NTNG1: variants seen among roughly 807,000 people sequenced by gnomAD.
NTNG1 encodes the protein netrin G1.
In NTNG1, 16 loss-of-function variants were observed where a neutral mutation model predicts 54.0. The ratio of observed to expected loss-of-function variants is 0.30; its 90% CI spans 0.20 to 0.45. The LOEUF is 0.45. Ranked by LOEUF, NTNG1 falls within the 20% of genes least tolerant of loss-of-function variation. The pLI is 1.00. For missense variants in NTNG1, 530 were observed against 678.7 expected (o/e 0.78, Z 2.43); for synonymous variants, 255 against 263.1 (o/e 0.97, Z 0.30).
intron 2 of NTNG1, among the ~76,000 whole-genome samples, chr1:107,243,189 G>C (rs1169094728): frequency 6.6e-6 from 1 of 152,158 alleles, no homozygotes; most frequent in African/African-American, 2.4e-5. Context: ...TCCTGTGCAG[G>C]CTTTATACTT....
intron 5 of NTNG1, among the ~76,000 whole-genome samples, chr1:107,427,966 T>C (rs1234328655): frequency 6.6e-6 from 1 of 152,146 alleles, no homozygotes; most frequent in Admixed American, 6.6e-5. Flanking sequence ...TAGAGATTCA[T>C]GGAATGGGTC....
intron 3 of NTNG1, among the ~76,000 whole-genome samples, chr1:107,348,476 A>G (rs934675909): frequency 6.6e-6 from 1 of 152,026 alleles, no homozygotes; most frequent in Non-Finnish European, 1.5e-5. Context: ...ACCAGCTTCC[A>G]TATTAAGCCA....
chr1:107,352,038 G>T (rs924163464), intron 3 of NTNG1, among the ~76,000 whole-genome samples: 5 of 152,232 alleles, frequency 3.3e-5, no homozygotes, highest in African/African-American at 1.2e-4. Flanking sequence ...CAAGGGGTGG[G>T]CTCCCAAAGC....
chr1:107,374,650 A>T (rs548321724), intron 3 of NTNG1, among the ~76,000 whole-genome samples: 1 of 152,206 alleles, frequency 6.6e-6, no homozygotes, highest in African/African-American at 2.4e-5. Flanking sequence ...ATTGTATATA[A>T]CTGTTTTAAT....
intron 3 of NTNG1, among the ~76,000 whole-genome samples, chr1:107,387,401 CTCT>C (rs1672077507): frequency 1.3e-5 from 2 of 152,280 alleles, no homozygotes; most frequent in African/African-American, 4.8e-5. Flanking sequence ...TACTGGTGAG[CTCT>C]ACAGTGTTTC....
intron 2 of NTNG1, among the ~76,000 whole-genome samples, chr1:107,194,493 C>T (rs1192417706): frequency 6.6e-6 from 1 of 152,046 alleles, no homozygotes; most frequent in East Asian, 1.9e-4. Flanking sequence ...CTTTCTTTCT[C>T]CCTTTCTCTC....
intron 2 of NTNG1, among the ~76,000 whole-genome samples, chr1:107,159,948 C>A (rs917207541): frequency 2.0e-5 from 3 of 152,082 alleles, no homozygotes; most frequent in Non-Finnish European, 4.4e-5. Context: ...TCATAGAGAG[C>A]GGAGTACATA....
intron 2 of NTNG1, among the ~76,000 whole-genome samples, chr1:107,150,085 T>C (rs1292731089): frequency 1.3e-5 from 2 of 152,154 alleles, no homozygotes; most frequent in African/African-American, 4.8e-5. Flanking sequence ...AGAAGTGCCT[T>C]TGGGGACTGG....
chr1:107,483,491 A>C lies in NTNG1; in HGVS notation c.*2651A>C, dbSNP rs1419249368. ...AAATGGAAATGAAATGTTCTTTTTA[A>C]ATCTGGATTCTCAAGTTCTTCTAAA... On this transcript the variant is annotated 3_prime_UTR_variant, in exon 8 of 8. Transcript: ENST00000370068. 6.6e-6 allele frequency: 1 copy of C among 152,210 alleles called. No individual in the cohort carries two copies. Among genetic ancestry groups the C allele is most frequent in the Non-Finnish European group, 1.5e-5 (1 of 68,040 alleles). 9.4% of individuals were successfully genotyped at this position (152,210 alleles called of 1,614,324 possible).
intron 2 of NTNG1, among the ~76,000 whole-genome samples, chr1:107,188,429 A>G (rs983122259): frequency 6.6e-6 from 1 of 152,140 alleles, no homozygotes; most frequent in Non-Finnish European, 1.5e-5. Flanking sequence ...TATACCCCCT[A>G]TTATGCACAT....
intron 2 of NTNG1, among the ~76,000 whole-genome samples, chr1:107,169,159 G>A (rs1167540213): frequency 6.6e-6 from 1 of 151,820 alleles, no homozygotes; most frequent in Non-Finnish European, 1.5e-5. Context: ...AAATCCTTTG[G>A]GTATACATTC....
At position 107,482,531 on chromosome 1, in the gene NTNG1, TC is replaced by T. The variant is rs1308468298; in HGVS notation, c.*1694del. 2 of 152,206 alleles carry T rather than the reference TC, an allele frequency of 1.3e-5. No individual in the cohort carries two copies. The highest frequency in any genetic ancestry group is 2.9e-5 in the Non-Finnish European group (2 of 68,042). The allele number at this position is 152,206 out of a possible 1,614,324, so 9.4% of individuals were successfully genotyped here. On this transcript the variant is annotated 3_prime_UTR_variant, in exon 8 of 8. Transcript: ENST00000370068. ...GAGGCTAAGACAGTGTGCATTTCGTTCCCAGCACACTGTTGTCCTACAGATT... is the reference window on the plus strand; with the variant it reads ...GAGGCTAAGACAGTGTGCATTTCGTTCCAGCACACTGTTGTCCTACAGATT...
chr1:107,328,917 A>G (rs1226328622), intron 3 of NTNG1: 3 of 152,178 alleles, frequency 2.0e-5, no homozygotes, highest in Non-Finnish European at 2.9e-5. Context: ...TGGAAATTCT[A>G]TTTTAACAGT....
At chr1:107,332,752 A>G (rs1241807503) in intron 3 of NTNG1, among the ~76,000 whole-genome samples, 1 of 152,068 alleles carries the variant, frequency 6.6e-6, no homozygotes, top group Admixed American at 6.6e-5. Context: ...GGATTGATAT[A>G]TTGATTCTGT....
chr1:107,303,303 C>T (rs1666436592), intron 2 of NTNG1, among the ~76,000 whole-genome samples: 1 of 152,060 alleles, frequency 6.6e-6, no homozygotes, highest in African/African-American at 2.4e-5. Flanking sequence ...TTATATTGGT[C>T]TCTGTTAGTG....
chr1:107,248,010 A>G (rs12731259), intron 2 of NTNG1, among the ~76,000 whole-genome samples: 49,084 of 152,186 alleles, frequency 0.32, 9,617 homozygotes, highest in Non-Finnish European at 0.43. Flanking sequence ...AGGAGTGGTC[A>G]TTCAAAATGA....
chr1:107,481,109 T>C lies in NTNG1; in HGVS notation c.*269T>C, dbSNP rs898900777. On this transcript the variant is annotated 3_prime_UTR_variant, in exon 8 of 8. Coordinates refer to ENST00000370068, the MANE Select transcript of NTNG1 (RefSeq NM_001113226.3). Reference sequence around the variant, plus strand: ...TGCCAGCTGCAGAGCATATTGTGGATTGGAAAGGCTGCGACAGCCCCCCAA... The same window carrying C: ...TGCCAGCTGCAGAGCATATTGTGGACTGGAAAGGCTGCGACAGCCCCCCAA... The C allele has an allele frequency of 2.2e-6, 1 of 452,838 alleles. No individual in the cohort carries two copies. The highest frequency in any genetic ancestry group is 3.9e-6 in the Non-Finnish European group (1 of 254,376). 28.1% of individuals were successfully genotyped at this position (452,838 alleles called of 1,614,324 possible).
At chr1:107,417,225 A>G (rs1210397917) in intron 5 of NTNG1, among the ~76,000 whole-genome samples, 1 of 152,098 alleles carries the variant, frequency 6.6e-6, no homozygotes, top group Non-Finnish European at 1.5e-5. Context: ...TTCTTTCTTC[A>G]TTCATAAATT....
chr1:107,253,189 T>G (rs749509502), intron 2 of NTNG1, among the ~76,000 whole-genome samples: 1 of 152,214 alleles, frequency 6.6e-6, no homozygotes, highest in Non-Finnish European at 1.5e-5. Context: ...CTCCTGGTAC[T>G]CAGTAGAGTC....
Sources: gnomAD v4.1 joint callset for allele counts (sites outside exome capture counted in the v4.1 genomes callset) on GRCh38, gnomAD v4.1.1 for gene constraint, MANE v1.5 for transcripts, NCBI Gene and HGNC (gene_info 2026-07-23, HGNC 2026-07-21) for gene names.